MRPS27: variants seen among roughly 807,000 people sequenced by gnomAD.
MRPS27 encodes the protein mitochondrial ribosomal protein S27, also known as small ribosomal subunit protein mS27.
MRPS27 carries 43 observed loss-of-function variants against 48.9 expected under a neutral mutation model. The ratio of observed to expected loss-of-function variants is 0.88; its 90% CI spans 0.69 to 1.13. The LOEUF is 1.13. Ranked by LOEUF, MRPS27 falls within the 50% of genes most tolerant of loss-of-function variation. The pLI, the probability that MRPS27 is intolerant of heterozygous loss-of-function variation, is 0.00. For missense variants in MRPS27, 467 were observed against 476.3 expected, an observed-to-expected ratio of 0.98 and a Z score of 0.18; for synonymous variants, 188 against 171.9, an observed-to-expected ratio of 1.09 and a Z score of -0.73.
intron 1 of MRPS27, among the ~76,000 whole-genome samples, chr5:72,316,085 A>G (rs1036416820): frequency 6.6e-6 from 1 of 152,220 alleles, no homozygotes; most frequent in Non-Finnish European, 1.5e-5. Context: ...GAATCCTGAA[A>G]ACATGTTAAG....
chr5:72,264,196 T>C (rs998853950), intron 4 of MRPS27, among the ~76,000 whole-genome samples: 2 of 152,106 alleles, frequency 1.3e-5, no homozygotes, highest in Non-Finnish European at 2.9e-5. Flanking sequence ...GGGAAATTCA[T>C]AGAAACAAAA....
intron 1 of MRPS27, among the ~76,000 whole-genome samples, chr5:72,319,592 G>A (rs1385492045): frequency 6.8e-6 from 1 of 146,206 alleles, no homozygotes; most frequent in African/African-American, 2.6e-5. Context: ...TGCCCAGGCT[G>A]GAGTGTAGTG....
chr5:72,281,731 T>C (rs1426291988), intron 4 of MRPS27, among the ~76,000 whole-genome samples: 1 of 152,220 alleles, frequency 6.6e-6, no homozygotes, highest in African/African-American at 2.4e-5. Context: ...AGTCTGTTAT[T>C]ACCTGCTATT....
At chr5:72,221,887 TGC>T (rs1561326596) in intron 10 of MRPS27, among the ~76,000 whole-genome samples, 3 of 152,188 alleles carry the variant, frequency 2.0e-5, no homozygotes, top group Non-Finnish European at 4.4e-5. Flanking sequence ...GTTGGTGTTG[TGC>T]TCCTGGAGAA....
rs1277514311 is a variant in MRPS27 at position 72,223,834 on chromosome 5, G to A, written c.854C>T (p.Ala285Val). 2 of 1,613,760 alleles carry A rather than the reference G, an allele frequency of 1.2e-6. No individual in the cohort carries two copies. The highest frequency in any genetic ancestry group is 8.5e-7 in the Non-Finnish European group (1 of 1,179,840). ...AGCTGAAGTCAGAGCCTTCAGCACT[G>A]CACCCAGCACATCGAGCTGTGGAGC... ...LCREALDVLG[A>V]VLKALTSADG... Residue 285 changes from alanine (A) to valine (V), a missense_variant, in exon 10 of 11, where the codon GCA becomes GTA. Coordinates refer to ENST00000261413, the MANE Select transcript of MRPS27 (RefSeq NM_015084.3).
chr5:72,265,510 T>C (rs546994802), intron 4 of MRPS27, among the ~76,000 whole-genome samples: 57 of 152,344 alleles, frequency 3.7e-4, no homozygotes, highest in Non-Finnish European at 7.6e-4. Flanking sequence ...ATTAGTGATA[T>C]CTGGCTGGAA....
At chr5:72,235,065 C>T (rs140328285) in intron 5 of MRPS27, among the ~76,000 whole-genome samples, 103 of 152,248 alleles carry the variant, frequency 6.8e-4, no homozygotes, top group African/African-American at 2.4e-3. Context: ...TAACCCCCAA[C>T]TGAATCACCA....
chr5:72,296,027 AT>A (rs946463866), intron 3 of MRPS27, among the ~76,000 whole-genome samples: 77 of 152,304 alleles, frequency 5.1e-4, no homozygotes, highest in African/African-American at 1.9e-3. Flanking sequence ...AAACATCTAA[AT>A]TTAGAGAACT....
chr5:72,315,579 G>T (rs1309563040), intron 1 of MRPS27, among the ~76,000 whole-genome samples: 1 of 147,554 alleles, frequency 6.8e-6, no homozygotes, highest in East Asian at 2.0e-4. Context: ...AAAAGAAAAA[G>T]TAAAATATAT....
intron 1 of MRPS27, among the ~76,000 whole-genome samples, chr5:72,316,828 G>C (rs1750575846): frequency 1.3e-5 from 2 of 151,786 alleles, no homozygotes; most frequent in East Asian, 2.0e-4. Flanking sequence ...TCGGGAGTTC[G>C]AGGCGAGCCT....
chr5:72,289,946 C>T (rs1436608409), intron 4 of MRPS27, among the ~76,000 whole-genome samples: 2 of 152,134 alleles, frequency 1.3e-5, no homozygotes, highest in African/African-American at 4.8e-5. Context: ...TGCAAATATC[C>T]TCAGTGAAGA....
chr5:72,230,715 A>G (rs1186571722), intron 7 of MRPS27, among the ~76,000 whole-genome samples: 6 of 152,126 alleles, frequency 3.9e-5, no homozygotes, highest in Admixed American at 3.9e-4. Context: ...TGACTGTCTC[A>G]ATTTCAAAAT....
intron 4 of MRPS27, among the ~76,000 whole-genome samples, chr5:72,279,123 C>T (rs1331847007): frequency 1.3e-5 from 2 of 152,190 alleles, no homozygotes; most frequent in Admixed American, 1.3e-4. Context: ...AATCAGACTT[C>T]CTGTTGCTCC....
At chr5:72,287,250 G>T (rs1340175122) in intron 4 of MRPS27, among the ~76,000 whole-genome samples, 1 of 151,920 alleles carries the variant, frequency 6.6e-6, no homozygotes, top group Non-Finnish European at 1.5e-5. Flanking sequence ...CACAAAACCA[G>T]TCCCTGGTGC....
chr5:72,281,774 C>T lies in MRPS27; in HGVS notation c.281+13757G>A, dbSNP rs77608335. Among the ~76,000 whole-genome samples, 580 of 152,306 alleles carry T rather than the reference C, an allele frequency of 3.8e-3. 1 individual carries two copies. Among genetic ancestry groups the T allele is most frequent in the African/African-American group, 0.013 (554 of 41,562 alleles). On this transcript the variant is annotated intron_variant, in intron 4 of 10. Coordinates refer to ENST00000261413, the MANE Select transcript of MRPS27 (RefSeq NM_015084.3). ...AAATGGAGGACTATACTAATCTATA[C>T]GTATGAGATGCACAAAGTTCTCACT...
At chr5:72,263,053 G>T (rs546438137) in intron 4 of MRPS27, among the ~76,000 whole-genome samples, 1 of 152,232 alleles carries the variant, frequency 6.6e-6, no homozygotes, top group Admixed American at 6.5e-5. Flanking sequence ...AAGCAAAAAT[G>T]AAAGTTTTCT....
At chr5:72,287,805 G>C (rs966830064) in intron 4 of MRPS27, among the ~76,000 whole-genome samples, 4 of 152,262 alleles carry the variant, frequency 2.6e-5, no homozygotes, top group Non-Finnish European at 5.9e-5. Context: ...CGGAACTGCT[G>C]TTGGGACTAT....
chr5:72,225,188 C>T (rs551653028), intron 9 of MRPS27, among the ~76,000 whole-genome samples: 7 of 152,130 alleles, frequency 4.6e-5, no homozygotes, highest in East Asian at 1.9e-4. Flanking sequence ...TTGTTATAAA[C>T]GTCTGGCAAA....
intron 4 of MRPS27, among the ~76,000 whole-genome samples, chr5:72,258,637 G>T (rs1163468074): frequency 2.0e-5 from 3 of 152,218 alleles, no homozygotes; most frequent in African/African-American, 7.2e-5. Context: ...GCCATGTGAA[G>T]AAGAGTGCTC....
Sources: gnomAD v4.1 joint callset for allele counts (sites outside exome capture counted in the v4.1 genomes callset) on GRCh38, gnomAD v4.1.1 for gene constraint, MANE v1.5 for transcripts, NCBI Gene and HGNC (gene_info 2026-07-23, HGNC 2026-07-21) for gene names.